Variants in VPS37B observed in about 807,000 individuals in gnomAD.
The protein encoded by VPS37B is VPS37B subunit of ESCRT-I.
A neutral mutation model predicts 21.2 loss-of-function variants in VPS37B; 11 were observed. That is an observed-to-expected ratio of 0.52 (90% CI 0.33 to 0.86). The LOEUF (loss-of-function observed/expected upper bound fraction) is 0.86, where lower values mean the gene tolerates loss of function less well. VPS37B is among the 40% of genes least tolerant of loss of function. The pLI is 0.03. For synonymous variants in VPS37B, 175 were observed against 159.6 expected, an observed-to-expected ratio of 1.10 and a Z score of -0.73; for missense variants, 389 against 374.8, an observed-to-expected ratio of 1.04 and a Z score of -0.31.
chr12:122,882,747 G>A (rs928486375), intron 1 of VPS37B: 4 of 152,144 alleles, frequency 2.6e-5, no homozygotes, highest in African/African-American at 9.7e-5. Flanking sequence ...TACATTAAAG[G>A]CTAGGTTATT....
chr12:122,894,574 G>A (rs540542654), intron 1 of VPS37B, among the ~76,000 whole-genome samples: 1 of 152,232 alleles, frequency 6.6e-6, no homozygotes, highest in Non-Finnish European at 1.5e-5. Flanking sequence ...CACTGTAGGC[G>A]TGGGAAGGCT....
chr12:122,875,845 TAAAAAAAAAA>T (rs397948172), intron 1 of VPS37B: 1 of 84,234 alleles, frequency 1.2e-5, no homozygotes, highest in Non-Finnish European at 2.5e-5. Context: ...ACCATCAAAC[TAAAAAAAAAA>T]AAAAAAAAAA....
At chr12:122,876,620 G>A (rs2034154480) in intron 1 of VPS37B, 1 of 152,112 alleles carries the variant, frequency 6.6e-6, no homozygotes, top group African/African-American at 2.4e-5. Context: ...GCTGAGGCAT[G>A]AGAGTTGCTT....
In VPS37B at chr12:122,866,575, C is replaced by G. The variant is rs2033902998; in HGVS notation, c.*541G>C. 6.6e-6 allele frequency: 1 copy of G among 152,666 alleles called. No individual in the cohort carries two copies. The highest frequency in any genetic ancestry group is 1.5e-5 in the Non-Finnish European group (1 of 68,080). The allele number at this position is 152,666 out of a possible 1,614,324, so 9.5% of individuals were successfully genotyped here. A position where few individuals can be genotyped will look rare whatever the true frequency, so the allele number is the denominator to read the frequency against. On this transcript the variant is annotated 3_prime_UTR_variant, in exon 4 of 4. Coordinates refer to ENST00000267202, the MANE Select transcript of VPS37B (RefSeq NM_024667.3). ...TCTGAAGCAAGAGCAGCAGCCAGGT[C>G]AGGCGGTGACTATGGTGACCTCTCC... is the stretch of plus-strand genomic sequence containing the variant.
rs181923424 is a variant in VPS37B, at chr12:122,896,106, G to A, written c.-44C>T. ...GTCGCCACCGCCGCTGCGGCCACCA[G>A]GCTCCGCCGACCGGAAGCGCCGCCC... On this transcript the variant is annotated 5_prime_UTR_variant, in exon 1 of 4. Transcript: ENST00000267202. 12,580 of 1,488,202 alleles carry A rather than the reference G, an allele frequency of 8.5e-3. 73 individuals carry two copies. The highest frequency in any genetic ancestry group is 0.01 in the Non-Finnish European group (11,447 of 1,125,532). The allele number at this position is 1,488,202 out of a possible 1,614,324, so 92.2% of individuals were successfully genotyped here.
Position 122,868,917 on chromosome 12 carries a change from C to T in VPS37B, c.284-355G>A, listed in dbSNP as rs1168938071. On this transcript the variant is annotated intron_variant, in intron 2 of 3. Transcript: ENST00000267202. The surrounding 1 kb of genome is among the most constrained non-coding windows in gnomAD (Gnocchi z 5.5). Reference sequence around the variant, plus strand: ...TGTTTAACCGCCAACCACCACCCCCCAGATCCAGACACAGAACCTTTCCAC... The same window carrying T: ...TGTTTAACCGCCAACCACCACCCCCTAGATCCAGACACAGAACCTTTCCAC... Among the ~76,000 whole-genome samples the T allele has an allele frequency of 6.6e-6, 1 of 152,152 alleles. No homozygotes were observed. The highest frequency in any genetic ancestry group is 2.4e-5 in the African/African-American group (1 of 41,420).
rs909753801 is a variant in VPS37B, at chr12:122,868,901, G to A, written c.284-339C>T. ...AAGTCAAATTTCCACGTGTTTAACCGCCAACCACCACCCCCCAGATCCAGA... is the reference window on the plus strand; with the variant it reads ...AAGTCAAATTTCCACGTGTTTAACCACCAACCACCACCCCCCAGATCCAGA... On this transcript the variant is annotated intron_variant, in intron 2 of 3. Coordinates refer to ENST00000267202, the MANE Select transcript of VPS37B (RefSeq NM_024667.3). The surrounding 1 kb of genome is among the most constrained non-coding windows in gnomAD (Gnocchi z 5.5). Among the ~76,000 whole-genome samples, 6 of 152,076 alleles carry A rather than the reference G, an allele frequency of 3.9e-5. No homozygotes were observed. The highest frequency in any genetic ancestry group is 5.9e-5 in the Non-Finnish European group (4 of 68,018).
Position 122,866,872 on chromosome 12 carries a change from C to G in VPS37B, c.*244G>C. On this transcript the variant is annotated 3_prime_UTR_variant, in exon 4 of 4. Transcript: ENST00000267202. Reference sequence around the variant, plus strand: ...TCAACGCTAAGATACTTAGAAATCACACGGATAATGCAAACCGATGCAACG... The same window carrying G: ...TCAACGCTAAGATACTTAGAAATCAGACGGATAATGCAAACCGATGCAACG... 1 of 426,524 alleles carries G rather than the reference C, an allele frequency of 2.3e-6. No homozygotes were observed. 26.4% of individuals were successfully genotyped at this position (426,524 alleles called of 1,614,324 possible).
rs952053470 is a variant in VPS37B, at chr12:122,866,893, C to G, written c.*223G>C. ...ATCACACGGATAATGCAAACCGATG[C>G]AACGCACAGGTGTCAGGCTGTAACC... On this transcript the variant is annotated 3_prime_UTR_variant, in exon 4 of 4. Coordinates refer to ENST00000267202, the MANE Select transcript of VPS37B (RefSeq NM_024667.3). 1.7e-5 allele frequency: 8 copies of G among 465,904 alleles called. No homozygotes were observed. Among genetic ancestry groups the G allele is most frequent in the Middle Eastern group, 5.5e-4 (1 of 1,830 alleles). The allele number at this position is 465,904 out of a possible 1,614,324, so 28.9% of individuals were successfully genotyped here.
At chr12:122,886,035 C>T (rs1455305178) in intron 1 of VPS37B, 3 of 152,158 alleles carry the variant, frequency 2.0e-5, no homozygotes, top group Admixed American at 2.0e-4. Flanking sequence ...ATAAAACATA[C>T]TATTATACTT....
rs1472621668 is a variant in VPS37B, at chr12:122,870,898, G to C, written c.275C>G (p.Thr92Ser). Residue 92 changes from threonine (T) to serine (S), a missense_variant, in exon 2 of 4, where the codon ACC becomes AGC. Thr to Ser is a moderately conservative substitution (Grantham distance 58). Coordinates refer to ENST00000267202, the MANE Select transcript of VPS37B (RefSeq NM_024667.3). ...VLFEAYQIKK[T>S]KLDRQSSSAS... ...CACCCTTAAAAAGTTACCTAATTTG[G>C]TCTTCTTTATCTGATAGGCTTCAAA... 1 of 1,611,208 alleles carries C rather than the reference G, an allele frequency of 6.2e-7. No individual in the cohort carries two copies. The highest frequency in any genetic ancestry group is 8.5e-7 in the Non-Finnish European group (1 of 1,178,954).
Position 122,866,914 on chromosome 12 carries a change from T to C in VPS37B, c.*202A>G, listed in dbSNP as rs2033911423. The C allele has an allele frequency of 5.6e-6, 3 of 531,764 alleles. No homozygotes were observed. The highest frequency in any genetic ancestry group is 3.8e-5 in the Admixed American group (1 of 26,324). The allele number at this position is 531,764 out of a possible 1,614,324, so 32.9% of individuals were successfully genotyped here. ...GATGCAACGCACAGGTGTCAGGCTG[T>C]AACCCGGCACACACAACTGCCTTGA... On this transcript the variant is annotated 3_prime_UTR_variant, in exon 4 of 4. Transcript: ENST00000267202.
chr12:122,876,827 A>T (rs1210060842), intron 1 of VPS37B: 1 of 152,206 alleles, frequency 6.6e-6, no homozygotes, highest in Non-Finnish European at 1.5e-5. Context: ...AAAGAGATCT[A>T]CAGTCCCCTC....
At chr12:122,869,788 G>A (rs1026706940) in intron 2 of VPS37B, among the ~76,000 whole-genome samples, 1 of 152,104 alleles carries the variant, frequency 6.6e-6, no homozygotes, top group Non-Finnish European at 1.5e-5. Context: ...TGTCGCCCAG[G>A]CTGGAGTACA....
chr12:122,883,747 G>A (rs1319786423), intron 1 of VPS37B: 1 of 152,220 alleles, frequency 6.6e-6, no homozygotes, highest in African/African-American at 2.4e-5. Context: ...CAAAGTGCTG[G>A]GGATTACAGG....
At position 122,865,538 on chromosome 12, in the gene VPS37B, C is replaced by T. The variant is rs996723792; in HGVS notation, c.*1578G>A. On this transcript the variant is annotated 3_prime_UTR_variant, in exon 4 of 4. Coordinates refer to ENST00000267202, the MANE Select transcript of VPS37B (RefSeq NM_024667.3). ...ATGGGGGCGGGTGGCACCGCTCACT[C>T]GAGATTCACAGAACATGGCAAGCCC... 6.6e-6 allele frequency: 1 copy of T among 152,286 alleles called. No individual in the cohort carries two copies. The highest frequency in any genetic ancestry group is 1.5e-5 in the Non-Finnish European group (1 of 68,070). The allele number at this position is 152,286 out of a possible 1,614,324, so 9.4% of individuals were successfully genotyped here. A position where few individuals can be genotyped will look rare whatever the true frequency, so the allele number is the denominator to read the frequency against.
At chr12:122,893,568 A>C (rs958048935) in intron 1 of VPS37B, among the ~76,000 whole-genome samples, 4 of 152,192 alleles carry the variant, frequency 2.6e-5, no homozygotes, top group African/African-American at 9.7e-5. Context: ...CCATGACCAA[A>C]AATTTCGGTT....
At chr12:122,895,438 C>G (rs549611918) in intron 1 of VPS37B, among the ~76,000 whole-genome samples, 6 of 150,726 alleles carry the variant, frequency 4.0e-5, no homozygotes, top group African/African-American at 1.5e-4. Context: ...TCTTGGTCCC[C>G]CTCAGTCACC....
At chr12:122,884,427 GAC>G (rs2034293323) in intron 1 of VPS37B, 2 of 152,182 alleles carry the variant, frequency 1.3e-5, no homozygotes, top group African/African-American at 4.8e-5. Context: ...GCACTCAGTT[GAC>G]AGTTTTTGTA....
Sources: gnomAD v4.1 joint callset for allele counts (sites outside exome capture counted in the v4.1 genomes callset) on GRCh38, gnomAD v4.1.1 for gene constraint, Gnocchi (gnomAD v3.1) non-coding constraint, MANE v1.5 for transcripts, NCBI Gene and HGNC (gene_info 2026-07-23, HGNC 2026-07-21) for gene names.